Variants in ACTR3C observed in about 807,000 individuals in gnomAD.
ACTR3C encodes the protein actin-related protein 3C.
A neutral mutation model predicts 26.3 loss-of-function variants in ACTR3C; 18 were observed. That is an observed-to-expected ratio of 0.68 (90% confidence interval 0.47 to 1.01). ACTR3C has a LOEUF of 1.01. ACTR3C is among the 50% of genes least tolerant of loss of function. The probability of loss-of-function intolerance (pLI) is 0.00; values close to 1 mark genes in which losing one functional copy is unlikely to be tolerated. For missense variants in ACTR3C, 184 were observed against 250.7 expected, an observed-to-expected ratio of 0.73 and a Z score of 1.80; for synonymous variants, 55 against 94.5, an observed-to-expected ratio of 0.58 and a Z score of 2.42.
chr7:149,928,801 C>G, the ACTR3C span, among the ~76,000 whole-genome samples: 2 of 151,508 alleles, frequency 1.3e-5, no homozygotes, highest in African/African-American at 4.9e-5. Flanking sequence ...TGAAGTCACA[C>G]CACTGCACTT....
the ACTR3C span, among the ~76,000 whole-genome samples, chr7:150,215,311 G>T: frequency 6.2e-3 from 949 of 152,228 alleles, 9 homozygotes; most frequent in African/African-American, 0.022. Context: ...ACCTTGAGAA[G>T]AAACACCAAC....
At chr7:150,033,593 C>CG in the ACTR3C span, among the ~76,000 whole-genome samples, 2 of 149,824 alleles carry the variant, frequency 1.3e-5, no homozygotes, top group Admixed American at 6.6e-5. Flanking sequence ...CCCCGCCTCG[C>CG]AGGAGGTGCC....
chr7:150,065,273 C>T, the ACTR3C span, among the ~76,000 whole-genome samples: 5 of 152,130 alleles, frequency 3.3e-5, no homozygotes, highest in Non-Finnish European at 7.3e-5. Flanking sequence ...TTCATTATCT[C>T]TAATGAATAG....
the ACTR3C span, among the ~76,000 whole-genome samples, chr7:150,103,539 T>C: frequency 6.6e-6 from 1 of 151,894 alleles, no homozygotes; most frequent in Non-Finnish European, 1.5e-5. Flanking sequence ...ATTTCCACTA[T>C]AGGACCTGTC....
chr7:150,267,431 C>T (rs927555714), intron 6 of ACTR3C, among the ~76,000 whole-genome samples: 4 of 152,200 alleles, frequency 2.6e-5, no homozygotes, highest in Admixed American at 1.3e-4. Flanking sequence ...TCTCTTTGTC[C>T]AGCATGTCCA....
the ACTR3C span, chr7:150,074,134 C>T: frequency 1.3e-5 from 2 of 152,178 alleles, no homozygotes; most frequent in Admixed American, 6.5e-5. Context: ...ACACTCCAGG[C>T]CCAGGCTTGA....
chr7:150,116,718 A>ATGTGTG, the ACTR3C span, among the ~76,000 whole-genome samples: 1 of 149,782 alleles, frequency 6.7e-6, no homozygotes, highest in African/African-American at 2.4e-5. Flanking sequence ...CTTGTGACAC[A>ATGTGTG]TGTGTGTGTG....
At chr7:149,988,865 A>T in the ACTR3C span, among the ~76,000 whole-genome samples, 1 of 152,224 alleles carries the variant, frequency 6.6e-6, no homozygotes, top group Non-Finnish European at 1.5e-5. Context: ...CCCATGAATT[A>T]TTTATTTGTT....
chr7:150,047,819 G>C, the ACTR3C span: 1 of 1,529,422 alleles, frequency 6.5e-7, no homozygotes, highest in South Asian at 1.2e-5. Context: ...TCGAGGTGTT[G>C]ATCTTGCCGG....
intron 5 of ACTR3C, among the ~76,000 whole-genome samples, 157 bp downstream of exon 5, chr7:150,286,210 C>A (rs1835755780): frequency 6.6e-6 from 1 of 151,558 alleles, no homozygotes; most frequent in African/African-American, 2.4e-5. Flanking sequence ...GCAAACTGAA[C>A]AATCTGTCAA....
the ACTR3C span, among the ~76,000 whole-genome samples, chr7:150,005,536 A>G: frequency 6.5e-3 from 964 of 148,412 alleles, 7 homozygotes; most frequent in Middle Eastern, 0.026. Context: ...TTACTGACCC[A>G]GTCTCTTCAT....
At chr7:150,183,631 C>T in the ACTR3C span, among the ~76,000 whole-genome samples, 1 of 135,828 alleles carries the variant, frequency 7.4e-6, no homozygotes. Flanking sequence ...AAACATTTTT[C>T]AACTTCCATA....
At chr7:150,213,137 C>G in the ACTR3C span, among the ~76,000 whole-genome samples, 1 of 151,684 alleles carries the variant, frequency 6.6e-6, no homozygotes, top group Non-Finnish European at 1.5e-5. Context: ...TGATTCAAGT[C>G]CAAAATCAAG....
At chr7:150,065,493 T>C in the ACTR3C span, among the ~76,000 whole-genome samples, 12 of 152,216 alleles carry the variant, frequency 7.9e-5, no homozygotes, top group Non-Finnish European at 1.6e-4. Context: ...AAGGATACCT[T>C]GTCCATTGAA....
the ACTR3C span, among the ~76,000 whole-genome samples, chr7:150,117,464 AG>A: frequency 6.6e-6 from 1 of 152,236 alleles, no homozygotes; most frequent in Non-Finnish European, 1.5e-5. Context: ...ACAAAGCCAC[AG>A]GGAAGTTCAG....
the ACTR3C span, among the ~76,000 whole-genome samples, chr7:149,883,601 C>T: frequency 3.3e-5 from 5 of 152,218 alleles, no homozygotes; most frequent in Non-Finnish European, 7.3e-5. Flanking sequence ...AGGGCAGCGC[C>T]TGCGTGCAGG....
At chr7:149,976,474 T>C in the ACTR3C span, among the ~76,000 whole-genome samples, 1 of 150,576 alleles carries the variant, frequency 6.6e-6, no homozygotes, top group Admixed American at 6.7e-5. Flanking sequence ...CTCAGGAGGC[T>C]GAGGCGGGAG....
At chr7:149,930,569 G>A in the ACTR3C span, among the ~76,000 whole-genome samples, 1 of 152,050 alleles carries the variant, frequency 6.6e-6, no homozygotes, top group African/African-American at 2.4e-5. Flanking sequence ...CACATACCAC[G>A]CCTGGTCCCT....
chr7:149,895,332 C>T, the ACTR3C span, among the ~76,000 whole-genome samples: 2 of 149,696 alleles, frequency 1.3e-5, no homozygotes, highest in African/African-American at 5.1e-5. Context: ...TAGCATACAA[C>T]GAGGAGACAA....
Sources: gnomAD v4.1 joint callset for allele counts (sites outside exome capture counted in the v4.1 genomes callset) on GRCh38, gnomAD v4.1.1 for gene constraint, MANE v1.5 for transcripts, NCBI Gene and HGNC (gene_info 2026-07-23, HGNC 2026-07-21) for gene names.